Variants in FGF12 observed in about 807,000 individuals in gnomAD.
FGF12 encodes fibroblast growth factor 12.
In FGF12, 14 loss-of-function variants were observed where a neutral mutation model predicts 23.6. The observed-to-expected ratio is 0.59, with a 90% confidence interval of 0.39 to 0.93. FGF12 has a LOEUF of 0.93. FGF12 is among the 40% of genes least tolerant of loss of function. FGF12 has a pLI of 0.00. For synonymous variants in FGF12, 62 were observed against 77.3 expected, an observed-to-expected ratio of 0.80 and a Z score of 1.04; for missense variants, 175 against 217.8, an observed-to-expected ratio of 0.80 and a Z score of 1.24.
At chr3:192,574,197 A>C (rs1352867662) in intron 2 of FGF12, among the ~76,000 whole-genome samples, 1 of 152,242 alleles carries the variant, frequency 6.6e-6, no homozygotes, top group Non-Finnish European at 1.5e-5. Flanking sequence ...AGGAGTGCAG[A>C]AGTTAGCTAG....
rs1426312625 is a variant in FGF12 at position 192,398,776 on chromosome 3, A to G, written c.14-38238T>C. ...AAGAAAAGTAGATTAGGAAAAACAA[A>G]CCTGAGTCTAAATCCAGAATCTAAC... On this transcript the variant is annotated intron_variant, in intron 2 of 5. Coordinates refer to ENST00000445105, the MANE Select transcript of FGF12 (RefSeq NM_004113.6). 1.3e-5 allele frequency among the ~76,000 whole-genome samples: 2 copies of G among 152,174 alleles called. 1 individual carries two copies. Among genetic ancestry groups the G allele is most frequent in the African/African-American group, 4.8e-5 (2 of 41,430 alleles).
intron 4 of FGF12, among the ~76,000 whole-genome samples, chr3:192,252,337 C>G (rs1339908574): frequency 6.6e-6 from 1 of 151,126 alleles, no homozygotes; most frequent in African/African-American, 2.4e-5. Context: ...TGGTAGCGTG[C>G]CTGGAATCCC....
chr3:192,479,885 G>A (rs899404086), intron 2 of FGF12, among the ~76,000 whole-genome samples: 1 of 152,112 alleles, frequency 6.6e-6, no homozygotes, highest in Admixed American at 6.6e-5. Flanking sequence ...ACACTATAGA[G>A]CATATACAAT....
rs953401327 is a variant in FGF12 at position 192,507,134 on chromosome 3, T to C, written c.14-146596A>G. 4.9e-4 allele frequency among the ~76,000 whole-genome samples: 74 copies of C among 152,044 alleles called. 1 individual carries two copies. The highest frequency in any genetic ancestry group is 1.6e-3 in the African/African-American group (68 of 41,496). ...GTCTTGATCTCCTGACCTCGTGATC[T>C]GCCCGCCTCGGCCTCCCAGAGTGCT... is the stretch of plus-strand genomic sequence containing the variant. On this transcript the variant is annotated intron_variant, in intron 2 of 5. Transcript: ENST00000445105.
intron 4 of FGF12, among the ~76,000 whole-genome samples, chr3:192,274,593 A>AAG (rs137930372): frequency 6.6e-6 from 1 of 151,348 alleles, no homozygotes; most frequent in African/African-American, 2.4e-5. Flanking sequence ...GAAGAGGGGA[A>AAG]AGAGAGAGAG....
chr3:192,398,940 A>C (rs1035541962), intron 2 of FGF12, among the ~76,000 whole-genome samples: 5 of 152,184 alleles, frequency 3.3e-5, no homozygotes, highest in Middle Eastern at 6.9e-3. Context: ...CATTGATTTA[A>C]CAGCAACTGA....
At chr3:192,506,954 T>C (rs549171438) in intron 2 of FGF12, among the ~76,000 whole-genome samples, 4 of 148,812 alleles carry the variant, frequency 2.7e-5, no homozygotes, top group Non-Finnish European at 3.0e-5. Flanking sequence ...TGTAGTGGTG[T>C]GATCTCGGCT....
At chr3:192,481,581 A>G (rs868458834) in intron 2 of FGF12, among the ~76,000 whole-genome samples, 15 of 152,340 alleles carry the variant, frequency 9.8e-5, no homozygotes, top group African/African-American at 3.4e-4. Context: ...TGGCATCCAC[A>G]CTATCCTGCT....
chr3:192,208,154 C>G (rs1717747359), intron 4 of FGF12, among the ~76,000 whole-genome samples: 1 of 152,120 alleles, frequency 6.6e-6, no homozygotes, highest in African/African-American at 2.4e-5. Flanking sequence ...TATTAAAAAT[C>G]TTCATGGATG....
At chr3:192,506,393 C>T (rs534463618) in intron 2 of FGF12, among the ~76,000 whole-genome samples, 7 of 152,252 alleles carry the variant, frequency 4.6e-5, no homozygotes, top group South Asian at 2.1e-4. Context: ...TGTTTTGAGA[C>T]GAAGTCTCCC....
chr3:192,464,499 GGTGTGTGTGTGTGTGTGT>G (rs34803297), intron 2 of FGF12, among the ~76,000 whole-genome samples: 17 of 132,674 alleles, frequency 1.3e-4, no homozygotes, highest in East Asian at 2.2e-4. Flanking sequence ...AGTATTCCAT[GGTGTGTGTGTGTGTGTGT>G]GTGTGTGTGT....
intron 4 of FGF12, among the ~76,000 whole-genome samples, chr3:192,333,076 G>A (rs931069383): frequency 1.9e-4 from 29 of 151,904 alleles, no homozygotes; most frequent in Non-Finnish European, 4.1e-4. Flanking sequence ...CCACCCCCTC[G>A]TAACCTCAGA....
At chr3:192,341,379 A>G (rs1412717169) in intron 3 of FGF12, among the ~76,000 whole-genome samples, 1 of 152,194 alleles carries the variant, frequency 6.6e-6, no homozygotes, top group East Asian at 1.9e-4. Flanking sequence ...ATATGGAAAG[A>G]CATTCAAAAA....
chr3:192,290,263 CAT>C (rs1340940109), intron 4 of FGF12, among the ~76,000 whole-genome samples: 1 of 152,098 alleles, frequency 6.6e-6, no homozygotes, highest in African/African-American at 2.4e-5. Flanking sequence ...CCACTTTGTA[CAT>C]ATATATCAAA....
At chr3:192,245,904 A>G (rs996543327) in intron 4 of FGF12, among the ~76,000 whole-genome samples, 8 of 152,228 alleles carry the variant, frequency 5.3e-5, no homozygotes, top group African/African-American at 1.7e-4. Context: ...TAAAAGACTG[A>G]ATAAATGTAA....
At chr3:192,445,926 G>C (rs1722341448) in intron 2 of FGF12, among the ~76,000 whole-genome samples, 1 of 152,142 alleles carries the variant, frequency 6.6e-6, no homozygotes, top group African/African-American at 2.4e-5. Context: ...CAATCATTTT[G>C]CAACTGCTTG....
chr3:192,194,192 T>G (rs905788054), intron 4 of FGF12, among the ~76,000 whole-genome samples: 6 of 152,200 alleles, frequency 3.9e-5, no homozygotes, highest in African/African-American at 1.4e-4. Flanking sequence ...ATTTGTAAAA[T>G]GTATGACAAG....
At chr3:192,214,981 G>T (rs552905455) in intron 4 of FGF12, among the ~76,000 whole-genome samples, 2 of 152,290 alleles carry the variant, frequency 1.3e-5, no homozygotes, top group Non-Finnish European at 2.9e-5. Flanking sequence ...CATGCTTTCA[G>T]CTCCCCCCAG....
At chr3:192,227,696 CAT>C (rs924404056) in intron 4 of FGF12, among the ~76,000 whole-genome samples, 4 of 150,942 alleles carry the variant, frequency 2.7e-5, no homozygotes, top group Non-Finnish European at 4.4e-5. Context: ...AAAGTCAAAA[CAT>C]AGTCTAGGAA....
Sources: allele counts gnomAD v4.1 joint callset (sites outside exome capture counted in the v4.1 genomes callset), GRCh38; gene constraint gnomAD v4.1.1; transcripts MANE v1.5; gene names NCBI Gene and HGNC (gene_info 2026-07-23, HGNC 2026-07-21).